IL1RL2: variants seen among roughly 807,000 people sequenced by gnomAD.
The protein encoded by IL1RL2 is interleukin-1 receptor-like 2.
In IL1RL2, 68 loss-of-function variants were observed where a neutral mutation model predicts 66.8. That is an observed-to-expected ratio of 1.02 (90% confidence interval 0.84 to 1.25). IL1RL2 has a LOEUF of 1.25. Among genes scored for constraint, IL1RL2 ranks in the 50% most tolerant of loss-of-function variants. The pLI is 0.00. For missense variants in IL1RL2, 729 were observed against 709.3 expected, an observed-to-expected ratio of 1.03 and a Z score of -0.32; for synonymous variants, 305 against 264.6, an observed-to-expected ratio of 1.15 and a Z score of -1.48.
chr2:102,216,403 CT>C (rs1209069172), intron 6 of IL1RL2, among the ~76,000 whole-genome samples: 4 of 152,068 alleles, frequency 2.6e-5, no homozygotes, highest in African/African-American at 9.7e-5. Flanking sequence ...CATGGAATAT[CT>C]TTTTTTCATC....
At chr2:102,242,691 T>TA (rs201433940), downstream of IL1RL2, among the ~76,000 whole-genome samples, 2,497 of 152,264 alleles carry the variant, frequency 0.016, 67 homozygotes, top group African/African-American at 0.058. Context: ...CTCACTGTCT[T>TA]ACTGAGTCCA....
chr2:102,205,081 T>C (rs1340160478), intron 5 of IL1RL2, among the ~76,000 whole-genome samples: 1 of 152,076 alleles, frequency 6.6e-6, no homozygotes, highest in Non-Finnish European at 1.5e-5. Flanking sequence ...ACCCATTATT[T>C]TAACCGGATA....
At position 102,235,923 on chromosome 2, in the gene IL1RL2, A is replaced by G. The variant is rs1048654934; in HGVS notation, c.1678+646A>G. On this transcript the variant is annotated intron_variant, in intron 11 of 11. Coordinates refer to ENST00000264257, the MANE Select transcript of IL1RL2 (RefSeq NM_003854.4). ...ATGACTGCCTCTTGGTCACCCTTCC[A>G]TGTTTGAGAGGCTTTATCTGTCAAA... 3.1e-5 allele frequency: 31 copies of G among 985,292 alleles called. No individual in the cohort carries two copies. The African/African-American group carries it at 3.3e-4, about 11-fold the overall frequency. 61.0% of individuals were successfully genotyped at this position (985,292 alleles called of 1,614,324 possible).
intron 8 of IL1RL2, among the ~76,000 whole-genome samples, chr2:102,223,194 TG>T (rs753584734): frequency 6.6e-6 from 1 of 152,232 alleles, no homozygotes; most frequent in African/African-American, 2.4e-5. Flanking sequence ...TAGTTTTGTT[TG>T]TCCTGAGTTC....
chr2:102,207,226 C>T (rs2104782913), intron 5 of IL1RL2, among the ~76,000 whole-genome samples: 1 of 152,234 alleles, frequency 6.6e-6, no homozygotes, highest in Non-Finnish European at 1.5e-5. Flanking sequence ...GAGCCTGCTT[C>T]ATGACCTACC....
chr2:102,229,010 G>C (rs1203679893), intron 9 of IL1RL2, among the ~76,000 whole-genome samples: 2 of 152,094 alleles, frequency 1.3e-5, no homozygotes, highest in Non-Finnish European at 2.9e-5. Flanking sequence ...ATGCATATTG[G>C]GGGTAAACCC....
intron 11 of IL1RL2, chr2:102,236,042 G>A (rs1011328691): frequency 4.7e-5 from 33 of 702,320 alleles, no homozygotes; most frequent in Non-Finnish European, 5.6e-5. Context: ...GCACACAGAT[G>A]ATAGAATTAT....
intron 8 of IL1RL2, among the ~76,000 whole-genome samples, chr2:102,224,994 G>C (rs1013545354): frequency 6.6e-6 from 1 of 152,154 alleles, no homozygotes; most frequent in Non-Finnish European, 1.5e-5. Context: ...GAAGGAAGTG[G>C]TGTGTGAGGT....
At chr2:102,200,621 A>C (rs1688173779) in intron 4 of IL1RL2, among the ~76,000 whole-genome samples, 1 of 152,244 alleles carries the variant, frequency 6.6e-6, no homozygotes, top group Admixed American at 6.5e-5. Flanking sequence ...AAATGGACTC[A>C]ATTAGCTAAG....
chr2:102,224,444 A>G (rs185114878), intron 8 of IL1RL2, among the ~76,000 whole-genome samples: 25 of 152,328 alleles, frequency 1.6e-4, no homozygotes, highest in Admixed American at 2.0e-4. Flanking sequence ...GGAGGCCATT[A>G]TGTTAAGTGA....
At position 102,212,145 on chromosome 2, in the gene IL1RL2, CA is replaced by C; in HGVS notation, c.701del (p.Asn234IlefsTer12). ...YGGSVPKIIY[P>X]KNHSIEVQLG... ...GGAAGTGTCCCTAAAATCATTTATC[CA>C]AAAAATCATTCAATTGAAGTACAGC... On this transcript the variant is annotated frameshift_variant, in exon 6 of 12. Coordinates refer to ENST00000264257, the MANE Select transcript of IL1RL2 (RefSeq NM_003854.4). LOFTEE classifies it high-confidence loss of function. The C allele has an allele frequency of 6.2e-7, 1 of 1,612,888 alleles. No homozygotes were observed.
intron 4 of IL1RL2, among the ~76,000 whole-genome samples, chr2:102,196,440 G>A (rs1489726009): frequency 6.6e-6 from 1 of 152,176 alleles, no homozygotes; most frequent in East Asian, 1.9e-4. Flanking sequence ...TTGGGCCTCA[G>A]TGTTGTCATC....
chr2:102,188,587 CAA>C (rs374522339), intron 2 of IL1RL2, among the ~76,000 whole-genome samples: 3 of 94,964 alleles, frequency 3.2e-5, no homozygotes, highest in African/African-American at 8.9e-5. Flanking sequence ...GACTCCGTCT[CAA>C]AAAAAAAAAA....
At position 102,235,168 on chromosome 2, in the gene IL1RL2, T is replaced by C. The variant is rs1230126635; in HGVS notation, c.1569T>C (p.Cys523=). 1 of 1,614,180 alleles carries C rather than the reference T, an allele frequency of 6.2e-7. No homozygotes were observed. Among genetic ancestry groups the C allele is most frequent in the African/African-American group, 1.3e-5 (1 of 75,044 alleles). ...WHGDFTEQSQ[C]MKTKFWKTVR... The stretch of plus-strand genomic sequence containing the variant: ...GGGACTTCACGGAGCAGTCACAGTG[T>C]ATGAAGACCAAGTTTTGGAAGACAG... Residue 523 remains cysteine, a synonymous_variant, in exon 11 of 12, where the codon TGT becomes TGC. Coordinates refer to ENST00000264257, the MANE Select transcript of IL1RL2 (RefSeq NM_003854.4).
chr2:102,215,052 T>G (rs1434114406), intron 6 of IL1RL2, among the ~76,000 whole-genome samples: 5 of 144,736 alleles, frequency 3.5e-5, no homozygotes, highest in Non-Finnish European at 4.5e-5. Flanking sequence ...AAGAGAAACT[T>G]CTCTTTGCAG....
intron 9 of IL1RL2, among the ~76,000 whole-genome samples, chr2:102,231,644 G>A (rs1018162669): frequency 4.0e-5 from 6 of 151,732 alleles, no homozygotes; most frequent in South Asian, 2.1e-4. Context: ...TCGTCGCCTC[G>A]TAGAGTCTTG....
chr2:102,210,742 A>T (rs1689100876), intron 5 of IL1RL2, among the ~76,000 whole-genome samples: 1 of 152,100 alleles, frequency 6.6e-6, no homozygotes, highest in Non-Finnish European at 1.5e-5. Flanking sequence ...CAGATTTAGG[A>T]GTGAGATCAT....
At chr2:102,198,344 T>C (rs1371588845) in intron 4 of IL1RL2, among the ~76,000 whole-genome samples, 1 of 152,198 alleles carries the variant, frequency 6.6e-6, no homozygotes, top group Non-Finnish European at 1.5e-5. Flanking sequence ...CCCCAGGAAG[T>C]CTTTGAAATT....
downstream of IL1RL2, among the ~76,000 whole-genome samples, chr2:102,242,336 AG>A (rs920241669): frequency 6.6e-6 from 1 of 152,164 alleles, no homozygotes; most frequent in Non-Finnish European, 1.5e-5. Context: ...TGCGTTAGTC[AG>A]GGTTTTCTAG....
Sources: gnomAD v4.1 joint callset for allele counts (sites outside exome capture counted in the v4.1 genomes callset) on GRCh38, gnomAD v4.1.1 for gene constraint, MANE v1.5 for transcripts, NCBI Gene and HGNC (gene_info 2026-07-23, HGNC 2026-07-21) for gene names.